The following GSK3B variants were observed in gnomAD, a reference collection of about 807,000 sequenced individuals.
GSK3B encodes the protein glycogen synthase kinase 3 beta.
Under a neutral mutation model 56.4 loss-of-function variants are expected in GSK3B, and 15 were observed. The ratio of observed to expected loss-of-function variants is 0.27; its 90% CI spans 0.18 to 0.41. GSK3B has a LOEUF of 0.41. Ranked by LOEUF, GSK3B falls within the 10% of genes least tolerant of loss-of-function variation. GSK3B has a pLI of 1.00. For missense variants in GSK3B, 300 were observed against 513.4 expected (o/e 0.58, Z 4.02); for synonymous variants, 181 against 188.9 (o/e 0.96, Z 0.34).
intron 1 of GSK3B, among the ~76,000 whole-genome samples, chr3:120,073,282 G>A (rs1344899092): frequency 7.0e-6 from 1 of 142,430 alleles, no homozygotes; most frequent in African/African-American, 2.6e-5. Context: ...CTAGCTAATT[G>A]AAAGGCTGAT....
intron 2 of GSK3B, among the ~76,000 whole-genome samples, chr3:119,972,645 C>T (rs1025624903): frequency 5.9e-5 from 9 of 152,082 alleles, no homozygotes; most frequent in Admixed American, 2.0e-4. Flanking sequence ...CCAAGTTAGC[C>T]GGGATGTTCT....
At chr3:120,009,059 T>C (rs888367231) in intron 1 of GSK3B, among the ~76,000 whole-genome samples, 1 of 152,196 alleles carries the variant, frequency 6.6e-6, no homozygotes, top group Non-Finnish European at 1.5e-5. Context: ...AAGACATTTA[T>C]GCAGCCAACA....
chr3:119,875,475 A>G (rs2056299865), intron 8 of GSK3B, among the ~76,000 whole-genome samples: 1 of 150,940 alleles, frequency 6.6e-6, no homozygotes, highest in Non-Finnish European at 1.5e-5. Context: ...TACGTATTAT[A>G]AAGTCGATCA....
chr3:120,066,267 TTAGAG>T (rs905227186), intron 1 of GSK3B, among the ~76,000 whole-genome samples: 19 of 152,066 alleles, frequency 1.2e-4, no homozygotes, highest in African/African-American at 4.3e-4. Context: ...TCAGAACCCC[TTAGAG>T]TAATGACTGG....
At chr3:119,989,380 C>G (rs181671881) in intron 2 of GSK3B, among the ~76,000 whole-genome samples, 1 of 152,154 alleles carries the variant, frequency 6.6e-6, no homozygotes, top group Non-Finnish European at 1.5e-5. Flanking sequence ...AAGTAGCTCA[C>G]GCCTGTAATC....
chr3:119,954,287 TAGAATAGAATAGAATAGAAA>T (rs1347733624), intron 2 of GSK3B, among the ~76,000 whole-genome samples: 2,201 of 117,554 alleles, frequency 0.019, 36 homozygotes, highest in African/African-American at 0.046. Context: ...TAGAATAGAA[TAGAATAGAATAGAATAGAAA>T]AGAAACAGAA....
chr3:119,909,461 C>T (rs9872321), intron 6 of GSK3B, among the ~76,000 whole-genome samples: 9,415 of 152,274 alleles, frequency 0.062, 918 homozygotes, highest in African/African-American at 0.21. Context: ...CTTGCACATC[C>T]AGCTTAAAGT....
At chr3:120,005,728 A>G (rs974303649) in intron 1 of GSK3B, among the ~76,000 whole-genome samples, 4 of 152,202 alleles carry the variant, frequency 2.6e-5, no homozygotes. Context: ...GCAAATGCTG[A>G]GAGATTTTGT....
chr3:119,872,302 G>T (rs1243686205), intron 8 of GSK3B, among the ~76,000 whole-genome samples: 1 of 152,136 alleles, frequency 6.6e-6, no homozygotes, highest in Non-Finnish European at 1.5e-5. Flanking sequence ...AAGAAAGGCA[G>T]AAAAGATCAA....
At chr3:119,940,466 CA>C (rs1186701127) in intron 3 of GSK3B, among the ~76,000 whole-genome samples, 1 of 151,944 alleles carries the variant, frequency 6.6e-6, no homozygotes, top group East Asian at 1.9e-4. Context: ...AGTACATATA[CA>C]TACATACATA....
chr3:119,881,453 C>T (rs2056377937), intron 7 of GSK3B, among the ~76,000 whole-genome samples: 2 of 152,122 alleles, frequency 1.3e-5, no homozygotes. Context: ...GTACTTAAAA[C>T]AATATATTTG....
At chr3:120,035,946 A>T (rs568006236) in intron 1 of GSK3B, among the ~76,000 whole-genome samples, 6 of 152,054 alleles carry the variant, frequency 3.9e-5, no homozygotes, top group African/African-American at 1.4e-4. Context: ...CTTCCTTATC[A>T]CTCTGATGCC....
chr3:120,033,665 G>A (rs978418502), intron 1 of GSK3B, among the ~76,000 whole-genome samples: 3 of 152,138 alleles, frequency 2.0e-5, no homozygotes, highest in Non-Finnish European at 4.4e-5. Context: ...TGGAGGAGGG[G>A]CCTGGTGGGA....
chr3:119,832,823 C>G (rs1306649818), intron 10 of GSK3B, among the ~76,000 whole-genome samples: 1 of 152,090 alleles, frequency 6.6e-6, no homozygotes, highest in Non-Finnish European at 1.5e-5. Flanking sequence ...AGGGTAGAAC[C>G]CTTAAGTATC....
intron 7 of GSK3B, among the ~76,000 whole-genome samples, chr3:119,882,001 G>T (rs1185831223): frequency 2.6e-5 from 4 of 152,086 alleles, no homozygotes; most frequent in African/African-American, 9.7e-5. Context: ...GCCTTCCCAG[G>T]CATGTGGAAC....
Position 119,995,591 on chromosome 3 carries a change from G to A in GSK3B, c.282+6455C>T, listed in dbSNP as rs1023657597. On this transcript the variant is annotated intron_variant, in intron 2 of 10. Transcript: ENST00000264235. ...GTGATTCTCCTGCCTCAGTCACCGT[G>A]CCCAGCTAATTTCTGTATTTTTTAG... Among the ~76,000 whole-genome samples, 5 of 148,290 alleles carry A rather than the reference G, an allele frequency of 3.4e-5. No individual in the cohort carries two copies. In the Admixed American group the frequency reaches 3.4e-4, roughly 10 times the overall value.
chr3:119,960,275 G>C (rs1400317785), intron 2 of GSK3B, among the ~76,000 whole-genome samples: 1 of 151,998 alleles, frequency 6.6e-6, no homozygotes, highest in Non-Finnish European at 1.5e-5. Context: ...GTTACTGCCA[G>C]GGGTTACACT....
chr3:120,034,153 G>A (rs141836405), intron 1 of GSK3B, among the ~76,000 whole-genome samples: 1 of 152,218 alleles, frequency 6.6e-6, no homozygotes, highest in African/African-American at 2.4e-5. Flanking sequence ...GATATAATTT[G>A]CAAGTATTTT....
At chr3:119,880,828 G>T (rs992626764) in intron 7 of GSK3B, among the ~76,000 whole-genome samples, 2 of 152,100 alleles carry the variant, frequency 1.3e-5, no homozygotes, top group Non-Finnish European at 1.5e-5. Flanking sequence ...AAGAATGAGG[G>T]AGTAGTACTA....
Sources: gnomAD v4.1 joint callset for allele counts (sites outside exome capture counted in the v4.1 genomes callset) on GRCh38, gnomAD v4.1.1 for gene constraint, MANE v1.5 for transcripts, NCBI Gene and HGNC (gene_info 2026-07-23, HGNC 2026-07-21) for gene names.